The following RAB3GAP1 variants were observed in gnomAD, a reference collection of about 807,000 sequenced individuals.
RAB3GAP1 encodes the protein RAB3 GTPase activating protein catalytic subunit 1.
RAB3GAP1 carries 86 observed loss-of-function variants against 130.7 expected under a neutral mutation model. That is an observed-to-expected ratio of 0.66 (90% CI 0.55 to 0.79). The LOEUF is 0.79. Among genes scored for constraint, RAB3GAP1 ranks in the 30% least tolerant of loss-of-function variants. The pLI, the probability that RAB3GAP1 is intolerant of heterozygous loss-of-function variation, is 0.00. For missense variants in RAB3GAP1, 1,029 were observed against 1,169.4 expected (o/e 0.88, Z 1.75); for synonymous variants, 367 against 401.7 (o/e 0.91, Z 1.03).
At chr2:135,159,460 T>A (rs114141607) in intron 19 of RAB3GAP1, among the ~76,000 whole-genome samples, 1 of 152,318 alleles carries the variant, frequency 6.6e-6, no homozygotes, top group African/African-American at 2.4e-5. Context: ...ATAACCCAGC[T>A]TAATCATGAG....
At chr2:135,075,792 T>A (rs1689615961) in intron 3 of RAB3GAP1, among the ~76,000 whole-genome samples, 1 of 152,074 alleles carries the variant, frequency 6.6e-6, no homozygotes, top group African/African-American at 2.4e-5. Context: ...GATCAAAAAC[T>A]TTTTTATTTC....
intron 19 of RAB3GAP1, among the ~76,000 whole-genome samples, chr2:135,157,725 A>C (rs1692350204): frequency 6.6e-6 from 1 of 151,618 alleles, no homozygotes; most frequent in Non-Finnish European, 1.5e-5. Context: ...CCAGCTACTC[A>C]AGAGGCTGAG....
intron 5 of RAB3GAP1, among the ~76,000 whole-genome samples, 170 bp from the exon 6 acceptor site, chr2:135,112,981 T>G (rs1480012570): frequency 6.6e-6 from 1 of 152,186 alleles, no homozygotes; most frequent in Non-Finnish European, 1.5e-5. Flanking sequence ...ATGATGGAAG[T>G]GCTTCTTAAA....
At position 135,105,222 on chromosome 2, in the gene RAB3GAP1, T is replaced by TC. The variant is rs1470694174; in HGVS notation, c.363-7924dup. On this transcript the variant is annotated intron_variant, in intron 5 of 23. Coordinates refer to ENST00000264158, the MANE Select transcript of RAB3GAP1 (RefSeq NM_012233.3). Reference sequence around the variant, plus strand: ...CCCCCTTCCCTCTCCCCCTCCCCCTTCCCCCTCCCGCTCCCCCCTTCCCCC... The same window carrying TC: ...CCCCCTTCCCTCTCCCCCTCCCCCTTCCCCCCTCCCGCTCCCCCCTTCCCCC... 3.5e-4 allele frequency among the ~76,000 whole-genome samples: 6 copies of TC among 16,996 alleles called. No individual in the cohort carries two copies. The Admixed American group carries it at 4.2e-3, about 12-fold the overall frequency. The allele number at this position is 16,996 out of a possible 152,430, so 11.2% of individuals were successfully genotyped here.
chr2:135,165,562 CAT>C (rs1692617121), intron 23 of RAB3GAP1, among the ~76,000 whole-genome samples: 1 of 152,222 alleles, frequency 6.6e-6, no homozygotes, highest in South Asian at 2.1e-4. Flanking sequence ...TATTCAAATT[CAT>C]AGCCAAATAC....
At chr2:135,087,977 A>G (rs921774542) in intron 3 of RAB3GAP1, among the ~76,000 whole-genome samples, 6 of 152,182 alleles carry the variant, frequency 3.9e-5, no homozygotes, top group Admixed American at 1.3e-4. Context: ...TCAAGTGACT[A>G]TATCCTAATG....
chr2:135,135,486 T>C, intron 16 of RAB3GAP1, 78 bp from the exon 17 acceptor site: 1 of 1,483,814 alleles, frequency 6.7e-7, no homozygotes, highest in South Asian at 1.2e-5. Context: ...AGAGTGAAAA[T>C]TAAATATTCA....
intron 17 of RAB3GAP1, among the ~76,000 whole-genome samples, chr2:135,144,295 G>A (rs1335907944): frequency 6.6e-6 from 1 of 152,016 alleles, no homozygotes; most frequent in Non-Finnish European, 1.5e-5. Flanking sequence ...AGCCAAAAGG[G>A]GCTGCGAGGG....
intron 3 of RAB3GAP1, among the ~76,000 whole-genome samples, chr2:135,065,989 G>A (rs768585639): frequency 1.3e-5 from 2 of 151,906 alleles, no homozygotes; most frequent in Non-Finnish European, 2.9e-5. Flanking sequence ...TGGCCAGAAT[G>A]GTCTCAATCT....
intron 3 of RAB3GAP1, among the ~76,000 whole-genome samples, chr2:135,081,384 A>G (rs1232047872): frequency 2.3e-5 from 3 of 133,308 alleles, no homozygotes; most frequent in Non-Finnish European, 3.1e-5. Context: ...GTGTGTGTAT[A>G]TATATATGTA....
rs757593006 is a variant in RAB3GAP1, at chr2:135,135,290, A to C, written c.1525A>C (p.Arg509=). 2 of 1,611,374 alleles carry C rather than the reference A, an allele frequency of 1.2e-6. No homozygotes were observed. Among genetic ancestry groups the C allele is most frequent in the Non-Finnish European group, 1.7e-6 (2 of 1,177,554 alleles). Residue 509 remains arginine (R), a synonymous_variant, in exon 16 of 24, where the codon AGG becomes CGG. Coordinates refer to ENST00000264158, the MANE Select transcript of RAB3GAP1 (RefSeq NM_012233.3). ...PGLASGPPDL[R]CCLLHQKLQM... is the part of the protein sequence containing the mutation. ...ATTAGCAAGTGGACCCCCAGATCTG[A>C]GGTGTTGTTTACTGCATCAGAAACT...
At chr2:135,142,733 A>G (rs1312953719) in intron 17 of RAB3GAP1, among the ~76,000 whole-genome samples, 2 of 151,946 alleles carry the variant, frequency 1.3e-5, no homozygotes, top group Admixed American at 6.6e-5. Flanking sequence ...CATTTTATCA[A>G]ATGTTTTCCT....
intron 5 of RAB3GAP1, among the ~76,000 whole-genome samples, chr2:135,112,638 C>T (rs984508587): frequency 1.3e-5 from 2 of 152,142 alleles, no homozygotes; most frequent in Non-Finnish European, 2.9e-5. Flanking sequence ...CTCAGCCCAG[C>T]CATTCTGTGA....
chr2:135,106,171 C>T (rs1690609491), intron 5 of RAB3GAP1, among the ~76,000 whole-genome samples: 2 of 148,532 alleles, frequency 1.3e-5, no homozygotes, highest in South Asian at 2.2e-4. Flanking sequence ...CCGCCCCGTC[C>T]GGGAGGTGGG....
intron 3 of RAB3GAP1, among the ~76,000 whole-genome samples, chr2:135,087,745 C>T (rs1690026836): frequency 6.6e-6 from 1 of 152,024 alleles, no homozygotes; most frequent in Admixed American, 6.5e-5. Context: ...GTAAACTCAT[C>T]AGTTTTAGTC....
At chr2:135,067,751 G>C (rs183948601) in intron 3 of RAB3GAP1, among the ~76,000 whole-genome samples, 347 of 152,282 alleles carry the variant, frequency 2.3e-3, no homozygotes, top group South Asian at 8.1e-3. Flanking sequence ...ATTTTTGAGA[G>C]AGGGTCTTGC....
At chr2:135,084,170 G>A (rs1034628807) in intron 3 of RAB3GAP1, among the ~76,000 whole-genome samples, 3 of 152,028 alleles carry the variant, frequency 2.0e-5, no homozygotes, top group Admixed American at 6.6e-5. Context: ...GCTTGAACCC[G>A]GGAGGCAGAG....
intron 18 of RAB3GAP1, among the ~76,000 whole-genome samples, chr2:135,151,426 CAT>C (rs1692171838): frequency 6.6e-6 from 1 of 152,202 alleles, no homozygotes; most frequent in Admixed American, 6.5e-5. Context: ...TATTTTTAAA[CAT>C]AAACACTCCA....
chr2:135,169,157 G>A lies in RAB3GAP1; in HGVS notation c.*376G>A, dbSNP rs568155768. On this transcript the variant is annotated 3_prime_UTR_variant, in exon 24 of 24. Transcript: ENST00000264158. ...CATTCGTGGTCTGTGCAAACACTTC[G>A]TGGTTCTATATATCAGCAGCAAGTG... The A allele has an allele frequency of 1.3e-5, 4 of 319,448 alleles. No individual in the cohort carries two copies. Among genetic ancestry groups the A allele is most frequent in the Non-Finnish European group, 2.4e-5 (4 of 165,396 alleles). The allele number at this position is 319,448 out of a possible 1,614,324, so 19.8% of individuals were successfully genotyped here. A position where few individuals can be genotyped will look rare whatever the true frequency, so the allele number is the denominator to read the frequency against.
Sources: gnomAD v4.1 joint callset for allele counts (sites outside exome capture counted in the v4.1 genomes callset) on GRCh38, gnomAD v4.1.1 for gene constraint, MANE v1.5 for transcripts, NCBI Gene and HGNC (gene_info 2026-07-23, HGNC 2026-07-21) for gene names.